ACYP2: variants seen among roughly 807,000 people sequenced by gnomAD.
ACYP2 encodes the protein acylphosphatase-2.
ACYP2 carries 12 observed loss-of-function variants against 11.2 expected under a neutral mutation model. The observed-to-expected ratio is 1.08, with a 90% CI of 0.69 to 1.74. The LOEUF (loss-of-function observed/expected upper bound fraction) is 1.74, where lower values mean the gene tolerates loss of function less well. ACYP2 is among the 40% of genes most tolerant of loss of function. ACYP2 has a pLI of 0.00. For synonymous variants in ACYP2, 43 were observed against 32.2 expected (o/e 1.33, Z -1.13); for missense variants, 134 against 101.9 (o/e 1.31, Z -1.35).
chr2:54,099,229 G>A (rs1572750090), intron 4 of ACYP2, among the ~76,000 whole-genome samples: 1 of 152,120 alleles, frequency 6.6e-6, no homozygotes, highest in South Asian at 2.1e-4. Flanking sequence ...GTTGCAGAAT[G>A]GCCAAATCAA....
rs1257286497 is a variant in ACYP2, at chr2:53,975,236, A to AG, written c.62+1426_62+1427insG. The AG allele has an allele frequency of 8.8e-4, 350 of 398,132 alleles. 1 individual carries two copies. The highest frequency in any genetic ancestry group is 1.9e-4 in the Non-Finnish European group (43 of 226,012). The allele number at this position is 398,132 out of a possible 1,614,324, so 24.7% of individuals were successfully genotyped here. On this transcript the variant is annotated intron_variant, in intron 2 of 6. Transcript: ENST00000607452. ...GAGACTCTGTCTCAAAAAAAAAAAA[A>AG]AAAATTCAGAGAAGCAGTTCCAGAT...
At chr2:54,206,010 T>A (rs1023950925) in intron 6 of ACYP2, among the ~76,000 whole-genome samples, 17 of 152,256 alleles carry the variant, frequency 1.1e-4, no homozygotes, top group African/African-American at 4.1e-4. Flanking sequence ...AATTTACTTC[T>A]ATTGCCTAGT....
At chr2:54,126,954 C>CA (rs144107260) in intron 4 of ACYP2, among the ~76,000 whole-genome samples, 33,327 of 123,238 alleles carry the variant, frequency 0.27, 4,278 homozygotes, top group South Asian at 0.46. Flanking sequence ...AACTCCGTCT[C>CA]AAAAAAAAAA....
chr2:54,102,638 CAAAAAAAAAA>C (rs58842257), intron 4 of ACYP2, among the ~76,000 whole-genome samples: 166 of 83,260 alleles, frequency 2.0e-3, no homozygotes, highest in African/African-American at 7.8e-3. Context: ...TGGCTTAAGC[CAAAAAAAAAA>C]AAAAAAAAAA....
intron 6 of ACYP2, among the ~76,000 whole-genome samples, chr2:54,283,933 G>A (rs187555266): frequency 6.6e-6 from 1 of 152,260 alleles, no homozygotes. Context: ...AGGCCAACAT[G>A]GAGAAACCCC....
At chr2:54,295,657 A>T (rs1276669088) in intron 6 of ACYP2, among the ~76,000 whole-genome samples, 1 of 151,976 alleles carries the variant, frequency 6.6e-6, no homozygotes, top group East Asian at 1.9e-4. Context: ...TTTGTAATTG[A>T]CCTATGATTG....
chr2:54,212,137 G>A (rs1263116296), intron 6 of ACYP2, among the ~76,000 whole-genome samples: 4 of 152,076 alleles, frequency 2.6e-5, no homozygotes, highest in Non-Finnish European at 5.9e-5. Flanking sequence ...GCAAATTTTG[G>A]ATTTTTTTTA....
At chr2:53,983,245 TCTGTAATCCCAGCA>T (rs1330468714) in intron 2 of ACYP2, among the ~76,000 whole-genome samples, 3 of 152,216 alleles carry the variant, frequency 2.0e-5, no homozygotes, top group African/African-American at 7.2e-5. Context: ...GTGGCTCACG[TCTGTAATCCCAGCA>T]CTTTGGTAGA....
At chr2:53,975,128 G>C (rs1316724162) in intron 2 of ACYP2, 1 of 387,770 alleles carries the variant, frequency 2.6e-6, no homozygotes, top group Admixed American at 4.5e-5. Flanking sequence ...AGGAGGCTGA[G>C]GCAGAAGAAT....
intron 2 of ACYP2, among the ~76,000 whole-genome samples, chr2:53,979,817 C>T (rs904045272): frequency 1.3e-5 from 2 of 151,688 alleles, no homozygotes; most frequent in South Asian, 4.2e-4. Flanking sequence ...CCTCAGCCTC[C>T]CTAGTAGCTG....
In ACYP2 at chr2:54,304,979, T is replaced by C. The variant is rs114519006; in HGVS notation, c.*177T>C. On this transcript the variant is annotated 3_prime_UTR_variant, in exon 7 of 7. Coordinates refer to ENST00000607452, the MANE Select transcript of ACYP2 (RefSeq NM_001320586.2). ...GAAATAATTTTACTCAACTATGTTT[T>C]CAACAAGCAAAAATATAGTATTCTA... 1,297 of 407,816 alleles carry C rather than the reference T, an allele frequency of 3.2e-3. 18 individuals carry two copies. Among genetic ancestry groups the C allele is most frequent in the African/African-American group, 0.024 (1,200 of 49,370 alleles). The allele number at this position is 407,816 out of a possible 1,614,324, so 25.3% of individuals were successfully genotyped here. A position where few individuals can be genotyped will look rare whatever the true frequency, so the allele number is the denominator to read the frequency against.
intron 6 of ACYP2, among the ~76,000 whole-genome samples, chr2:54,274,574 C>G (rs1364630337): frequency 1.5e-5 from 2 of 137,290 alleles, no homozygotes; most frequent in African/African-American, 5.4e-5. Flanking sequence ...CTGCAGTGAG[C>G]CATGGTCACA....
chr2:54,023,578 A>G (rs547853190), intron 2 of ACYP2, among the ~76,000 whole-genome samples: 1 of 152,188 alleles, frequency 6.6e-6, no homozygotes, highest in African/African-American at 2.4e-5. Context: ...ATAGTATTGC[A>G]TTGTGACTTG....
At chr2:54,243,111 G>T (rs373777400) in intron 6 of ACYP2, among the ~76,000 whole-genome samples, 22 of 152,236 alleles carry the variant, frequency 1.4e-4, no homozygotes, top group African/African-American at 4.8e-4. Flanking sequence ...TTTTTCCCAA[G>T]TTTGACATTT....
At chr2:54,123,465 G>A in intron 4 of ACYP2, 1 of 398,376 alleles carries the variant, frequency 2.5e-6, no homozygotes, top group Admixed American at 4.4e-5. Flanking sequence ...TTGTGTGTGT[G>A]GCATTAACAA....
intron 2 of ACYP2, among the ~76,000 whole-genome samples, chr2:54,038,800 T>TA (rs372376830): frequency 0.51 from 52,847 of 104,222 alleles, 12,413 homozygotes; most frequent in South Asian, 0.56. Context: ...TCAGAATAGG[T>TA]AAAAAAAAAA....
intron 6 of ACYP2, among the ~76,000 whole-genome samples, chr2:54,276,247 C>T (rs753322665): frequency 3.9e-5 from 6 of 152,066 alleles, no homozygotes; most frequent in Non-Finnish European, 7.4e-5. Flanking sequence ...GGCCATTGTC[C>T]CAATAGCATA....
At chr2:54,071,352 C>T (rs1677031631) in intron 4 of ACYP2, among the ~76,000 whole-genome samples, 1 of 152,152 alleles carries the variant, frequency 6.6e-6, no homozygotes, top group African/African-American at 2.4e-5. Flanking sequence ...ACTATCTCTG[C>T]TTACAAATGG....
chr2:54,186,804 G>A (rs931114741), intron 6 of ACYP2, among the ~76,000 whole-genome samples: 10 of 152,122 alleles, frequency 6.6e-5, no homozygotes, highest in South Asian at 2.1e-4. Context: ...GTGAGCCACC[G>A]TACCCGGCCA....
Sources: gnomAD v4.1 joint callset for allele counts (sites outside exome capture counted in the v4.1 genomes callset) on GRCh38, gnomAD v4.1.1 for gene constraint, MANE v1.5 for transcripts, NCBI Gene and HGNC (gene_info 2026-07-23, HGNC 2026-07-21) for gene names.